ANKRD28: variants seen among roughly 807,000 people sequenced by gnomAD.
ANKRD28 encodes ankyrin repeat domain 28, also known as serine/threonine-protein phosphatase 6 regulatory ankyrin repeat subunit A.
Under a neutral mutation model 126.5 loss-of-function variants are expected in ANKRD28, and 44 were observed. The ratio of observed to expected loss-of-function variants is 0.35; its 90% CI spans 0.27 to 0.45. ANKRD28 has a LOEUF of 0.45. Ranked by LOEUF, ANKRD28 falls within the 20% of genes least tolerant of loss-of-function variation. ANKRD28 has a pLI of 1.00. For missense variants in ANKRD28, 1,110 were observed against 1,316.6 expected, an observed-to-expected ratio of 0.84 and a Z score of 2.43; for synonymous variants, 442 against 468.5, an observed-to-expected ratio of 0.94 and a Z score of 0.73.
intron 15 of ANKRD28, 130 bp from the exon 16 acceptor site, chr3:15,695,344 T>C (rs1575194284): frequency 1.5e-6 from 1 of 658,902 alleles, no homozygotes; most frequent in East Asian, 2.8e-5. Flanking sequence ...AAATTAGGTG[T>C]TTTGAATAAA....
rs1300273978 is a variant in ANKRD28, at chr3:15,679,575, T to C, written c.2390-12A>G. On this transcript the variant is annotated splice_polypyrimidine_tract_variant and intron_variant, in intron 21 of 27. Transcript: ENST00000683139. ...ACATGTCTCGTGACCTAAATAGGTGTAAAGAACCAGGTATTAAAATTCAAA... is the reference window on the plus strand; with the variant it reads ...ACATGTCTCGTGACCTAAATAGGTGCAAAGAACCAGGTATTAAAATTCAAA... The C allele has an allele frequency of 1.3e-6, 2 of 1,598,554 alleles. No individual in the cohort carries two copies. The highest frequency in any genetic ancestry group is 1.7e-6 in the Non-Finnish European group (2 of 1,170,206).
rs369055825 is a variant in ANKRD28, at chr3:15,720,982, G to C, written c.929C>G (p.Ala310Gly). 1 of 1,613,754 alleles carries C rather than the reference G, an allele frequency of 6.2e-7. No homozygotes were observed. The highest frequency in any genetic ancestry group is 8.5e-7 in the Non-Finnish European group (1 of 1,179,844). Residue 310 changes from alanine to glycine, a missense_variant, in exon 8 of 28, where the codon GCT (alanine) becomes GGT (glycine). Physicochemically the swap from Ala to Gly is moderately conservative, Grantham distance 60. Coordinates refer to ENST00000683139, the MANE Select transcript of ANKRD28 (RefSeq NM_001349278.2). ...ACACAATGCTCCATGTGTTGATGCA[G>C]CAGCAAAGTGCAAAGGAGTAAATCC... is the stretch of plus-strand genomic sequence containing the variant. Reference protein sequence around the residue: ...EKGFTPLHFAAASTHGALCLE... With the variant: ...EKGFTPLHFAGASTHGALCLE...
intron 4 of ANKRD28, among the ~76,000 whole-genome samples, chr3:15,748,017 C>T (rs1278410118): frequency 6.6e-6 from 1 of 152,154 alleles, no homozygotes; most frequent in African/African-American, 2.4e-5. Context: ...GTGATCCCTG[C>T]TCACATTTGG....
intron 2 of ANKRD28, among the ~76,000 whole-genome samples, chr3:15,777,022 T>G (rs2059300646): frequency 6.6e-6 from 1 of 152,098 alleles, no homozygotes; most frequent in African/African-American, 2.4e-5. Context: ...ACACCTGTAA[T>G]CCCAGCACTT....
At chr3:15,698,495 C>A (rs1285107764) in intron 14 of ANKRD28, among the ~76,000 whole-genome samples, 1 of 152,180 alleles carries the variant, frequency 6.6e-6, no homozygotes, top group African/African-American at 2.4e-5. Context: ...AAAACCCCAT[C>A]GTCTCAGCTC....
chr3:15,714,328 A>G (rs577713244), intron 9 of ANKRD28, among the ~76,000 whole-genome samples: 1 of 152,130 alleles, frequency 6.6e-6, no homozygotes, highest in African/African-American at 2.4e-5. Flanking sequence ...TATTGAAAAA[A>G]GCTAATACTA....
intron 3 of ANKRD28, among the ~76,000 whole-genome samples, chr3:15,764,505 T>C (rs1559493215): frequency 6.6e-6 from 1 of 150,518 alleles, no homozygotes. Flanking sequence ...ACTTTGAGCA[T>C]TTGAAAAGTT....
At position 15,678,344 on chromosome 3, in the gene ANKRD28, G is replaced by A. The variant is rs769141016; in HGVS notation, c.2572C>T (p.His858Tyr). 1 of 1,603,582 alleles carries A rather than the reference G, an allele frequency of 6.2e-7. No homozygotes were observed. The highest frequency in any genetic ancestry group is 8.5e-7 in the Non-Finnish European group (1 of 1,176,322). The change falls in exon 24 of 28, where the codon CAT (histidine) becomes TAT (tyrosine). Residue 858 changes from histidine (H) to tyrosine (Y), a missense_variant. Coordinates refer to ENST00000683139, the MANE Select transcript of ANKRD28 (RefSeq NM_001349278.2). Reference sequence around the variant, plus strand: ...ACATGGTCTGTGAAGGCGGCTGCATGGAGAGGAGTTCTGTGATAAAGAAAA... The same window carrying A: ...ACATGGTCTGTGAAGGCGGCTGCATAGAGAGGAGTTCTGTGATAAAGAAAA... ...ATDSKGRTPL[H>Y]AAAFTDHVEC...
chr3:15,673,242 C>T (rs2066564697), intron 27 of ANKRD28, among the ~76,000 whole-genome samples: 1 of 152,246 alleles, frequency 6.6e-6, no homozygotes, highest in African/African-American at 2.4e-5. Context: ...GCATTCTATG[C>T]TTATTCCAAT....
chr3:15,817,185 A>G lies in ANKRD28; in HGVS notation c.28-21879T>C, dbSNP rs939481501. On this transcript the variant is annotated intron_variant, in intron 1 of 27. Transcript: ENST00000399451. The surrounding 1 kb of genome is among the most constrained non-coding windows in gnomAD (Gnocchi z 4.5). The stretch of plus-strand genomic sequence containing the variant: ...TGTCCACTCTACGATTTTCCTTAAC[A>G]TGTAACAGTGATGAACAATTTCTCA... Among the ~76,000 whole-genome samples, 1 of 152,150 alleles carries G rather than the reference A, an allele frequency of 6.6e-6. No individual in the cohort carries two copies. The highest frequency in any genetic ancestry group is 6.5e-5 in the Admixed American group (1 of 15,274).
chr3:15,734,650 A>C (rs1056546311), intron 6 of ANKRD28, among the ~76,000 whole-genome samples: 2 of 152,204 alleles, frequency 1.3e-5, no homozygotes, highest in African/African-American at 4.8e-5. Context: ...GACTTTAAGG[A>C]TTTATGGCAA....
upstream of ANKRD28, among the ~76,000 whole-genome samples, chr3:15,802,289 GA>G (rs1395438825): frequency 6.6e-6 from 1 of 152,172 alleles, no homozygotes; most frequent in African/African-American, 2.4e-5. Context: ...CTAGGGTAGT[GA>G]AACTACACTA....
intron 2 of ANKRD28, among the ~76,000 whole-genome samples, chr3:15,788,774 A>G (rs1575684832): frequency 1.3e-5 from 2 of 152,232 alleles, no homozygotes; most frequent in African/African-American, 4.8e-5. Context: ...ACGAAAATCT[A>G]GAAACACAAA....
At chr3:15,823,397 A>G (rs1022175935) in intron 1 of ANKRD28, among the ~76,000 whole-genome samples, 2 of 152,196 alleles carry the variant, frequency 1.3e-5, no homozygotes, top group African/African-American at 4.8e-5. Context: ...AAATAAAGAG[A>G]TTGAATAAAG....
intron 8 of ANKRD28, among the ~76,000 whole-genome samples, chr3:15,716,718 TTTGA>T (rs987249545): frequency 1.3e-5 from 2 of 152,328 alleles, no homozygotes; most frequent in African/African-American, 2.4e-5. Flanking sequence ...GTAATAATAA[TTTGA>T]TTAACAAAAT....
chr3:15,709,508 C>T (rs1196531270), intron 13 of ANKRD28, among the ~76,000 whole-genome samples, 160 bp downstream of exon 13: 1 of 151,980 alleles, frequency 6.6e-6, no homozygotes, highest in African/African-American at 2.4e-5. Context: ...TGGGTGAGAA[C>T]GAATATTTGG....
intron 3 of ANKRD28, among the ~76,000 whole-genome samples, chr3:15,762,580 C>T (rs2058546123): frequency 6.6e-6 from 1 of 151,724 alleles, no homozygotes; most frequent in Non-Finnish European, 1.5e-5. Context: ...TTCATTTTCC[C>T]CCAGTAGGTA....
At chr3:15,827,072 T>C (rs1020837975) in intron 1 of ANKRD28, among the ~76,000 whole-genome samples, 46 of 152,142 alleles carry the variant, frequency 3.0e-4, no homozygotes, top group African/African-American at 1.1e-3. Context: ...AGATATCATC[T>C]CACACCTGTT....
At chr3:15,855,708 C>T (rs964752384) in intron 1 of ANKRD28, among the ~76,000 whole-genome samples, 4 of 152,158 alleles carry the variant, frequency 2.6e-5, no homozygotes, top group African/African-American at 4.8e-5. Context: ...TTCCATTTAT[C>T]TGAGATATCC....
Sources: allele counts gnomAD v4.1 joint callset (sites outside exome capture counted in the v4.1 genomes callset), GRCh38; gene constraint gnomAD v4.1.1; non-coding constraint Gnocchi (gnomAD v3.1); transcripts MANE v1.5; gene names NCBI Gene and HGNC (gene_info 2026-07-23, HGNC 2026-07-21).